The following DNAH9 variants were observed in gnomAD, a reference collection of about 807,000 sequenced individuals.
The protein encoded by DNAH9 is dynein axonemal heavy chain 9, also known as DNAH9 variant protein.
DNAH9 carries 345 observed loss-of-function variants against 471.6 expected under a neutral mutation model. The observed-to-expected ratio is 0.73, with a 90% CI of 0.67 to 0.80. The LOEUF is 0.80. Ranked by LOEUF, DNAH9 falls within the 30% of genes least tolerant of loss-of-function variation. The pLI, the probability that DNAH9 is intolerant of heterozygous loss-of-function variation, is 0.00. For missense variants in DNAH9, 5,407 were observed against 5,609.2 expected (o/e 0.96, Z 1.15); for synonymous variants, 2,093 against 2,123.6 (o/e 0.99, Z 0.40).
At position 11,822,481 on chromosome 17, in the gene DNAH9, G is replaced by A. The variant is rs375908701; in HGVS notation, c.8894G>A (p.Arg2965His). 90 of 1,614,042 alleles carry A rather than the reference G, an allele frequency of 5.6e-5. No individual in the cohort carries two copies. Among genetic ancestry groups the A allele is most frequent in the Admixed American group, 1.7e-4 (10 of 60,002 alleles). Reference protein sequence around the residue: ...FSPVGNKLRVRSRKFPAIVNC... With the variant: ...FSPVGNKLRVHSRKFPAIVNC... ...CCTGTGGGAAACAAGCTAAGAGTCCGCAGCAGGAAGTTCCCAGCCATTGTG... is the reference window on the plus strand; with the variant it reads ...CCTGTGGGAAACAAGCTAAGAGTCCACAGCAGGAAGTTCCCAGCCATTGTG... The change falls in exon 47 of 69, where the codon CGC becomes CAC. Residue 2965 changes from arginine to histidine, a missense_variant. Physicochemically the swap from Arg to His is conservative, Grantham distance 29. Transcript: ENST00000262442.
Position 11,869,194 on chromosome 17 carries a change from C to G in DNAH9, c.9994C>G (p.Leu3332Val), listed in dbSNP as rs144987356. The G allele has an allele frequency of 1.4e-5, 22 of 1,613,716 alleles. No homozygotes were observed. In the African/African-American group the frequency reaches 2.5e-4, roughly 19 times the overall value. Reference sequence around the variant, plus strand: ...GTTTGAGAAAGCAACAGCAGACAAACTCAAATGTCAGCAAGAAGCCGAAGT... The same window carrying G: ...GTTTGAGAAAGCAACAGCAGACAAAGTCAAATGTCAGCAAGAAGCCGAAGT... ...ARFEKATADK[L>V]KCQQEAEVTA... is the part of the protein sequence containing the mutation. The change falls in exon 51 of 69, where the codon CTC becomes GTC. Residue 3332 changes from leucine to valine, a missense_variant. By Grantham distance (32) the Leu-to-Val change is conservative. Transcript: ENST00000262442.
intron 1 of DNAH9, among the ~76,000 whole-genome samples, chr17:11,607,428 G>A (rs560168047): frequency 6.6e-6 from 1 of 152,196 alleles, no homozygotes; most frequent in Non-Finnish European, 1.5e-5. Context: ...GTATCAAGAA[G>A]GTGTAGTGGT....
At chr17:11,903,524 A>AT (rs1204135887) in intron 60 of DNAH9, among the ~76,000 whole-genome samples, 1 of 152,198 alleles carries the variant, frequency 6.6e-6, no homozygotes, top group Non-Finnish European at 1.5e-5. Flanking sequence ...TTACACCTCA[A>AT]TAAAGTTATT....
chr17:11,866,001 C>A (rs1484874756), intron 50 of DNAH9, among the ~76,000 whole-genome samples: 1 of 152,208 alleles, frequency 6.6e-6, no homozygotes, highest in Non-Finnish European at 1.5e-5. Flanking sequence ...TCGTCTGAAG[C>A]CTTCTTCTCT....
chr17:11,605,316 T>G (rs576752889), intron 1 of DNAH9, among the ~76,000 whole-genome samples: 4 of 152,216 alleles, frequency 2.6e-5, no homozygotes, highest in Non-Finnish European at 5.9e-5. Flanking sequence ...CAGAACTTAC[T>G]GTTTCTTGAC....
At chr17:11,809,207 A>ATG (rs10624862) in intron 44 of DNAH9, among the ~76,000 whole-genome samples, 100,794 of 150,542 alleles carry the variant, frequency 0.67, 34,116 homozygotes, top group African/African-American at 0.78. Context: ...GCATTTGTGT[A>ATG]TGTGTGTGTG....
intron 42 of DNAH9, 126 bp from the exon 43 acceptor site, chr17:11,797,471 C>T: frequency 1.5e-6 from 1 of 678,728 alleles, no homozygotes; most frequent in African/African-American, 1.8e-5. Context: ...AAGAGAAGGG[C>T]ATGTTGGAAG....
At chr17:11,827,717 A>C (rs1049013770) in intron 48 of DNAH9, among the ~76,000 whole-genome samples, 5 of 147,134 alleles carry the variant, frequency 3.4e-5, no homozygotes, top group Non-Finnish European at 3.0e-5. Flanking sequence ...ATGGAGCTTC[A>C]CTCTCTCACC....
chr17:11,687,599 T>A (rs2074261663), intron 19 of DNAH9, among the ~76,000 whole-genome samples: 1 of 152,120 alleles, frequency 6.6e-6, no homozygotes, highest in African/African-American at 2.4e-5. Flanking sequence ...AACGGCCGAT[T>A]CTCTAGTTAG....
intron 67 of DNAH9, among the ~76,000 whole-genome samples, chr17:11,957,165 A>C (rs12150667): frequency 0.29 from 43,884 of 152,004 alleles, 7,736 homozygotes; most frequent in Non-Finnish European, 0.4. Flanking sequence ...ACTTAAATGA[A>C]GTGAACCAGT....
At chr17:11,724,532 A>G (rs746053159) in intron 27 of DNAH9, among the ~76,000 whole-genome samples, 3 of 152,324 alleles carry the variant, frequency 2.0e-5, no homozygotes, top group Non-Finnish European at 4.4e-5. Flanking sequence ...TGGCTGAACA[A>G]TATTGCTTTG....
chr17:11,650,783 A>G (rs2073490546), intron 12 of DNAH9, among the ~76,000 whole-genome samples: 1 of 152,222 alleles, frequency 6.6e-6, no homozygotes, highest in African/African-American at 2.4e-5. Context: ...TCCAAAGCAC[A>G]GAAGGCAGAG....
chr17:11,967,169 T>C (rs989456032), intron 68 of DNAH9, among the ~76,000 whole-genome samples: 2 of 152,012 alleles, frequency 1.3e-5, no homozygotes, highest in African/African-American at 4.8e-5. Flanking sequence ...TGCAGTGGCA[T>C]GAACAGGGCT....
chr17:11,722,556 A>G (rs1256715917), intron 27 of DNAH9, among the ~76,000 whole-genome samples: 1 of 152,182 alleles, frequency 6.6e-6, no homozygotes, highest in Non-Finnish European at 1.5e-5. Flanking sequence ...TCAGTGGTGA[A>G]GCAAAGGGAG....
chr17:11,792,727 T>C (rs1969107731), intron 41 of DNAH9, among the ~76,000 whole-genome samples: 1 of 152,244 alleles, frequency 6.6e-6, no homozygotes, highest in African/African-American at 2.4e-5. Flanking sequence ...TCAATTGTTA[T>C]CTGAATCAGT....
In DNAH9 at chr17:11,807,761, C is replaced by T. The variant is rs370070428; in HGVS notation, c.8450C>T (p.Pro2817Leu). Residue 2817 changes from proline (P) to leucine (L), a missense_variant, in exon 44 of 69, where the codon CCG becomes CTG. Around this residue, in one of 3 missense-constraint regions of DNAH9, gnomAD observed 4,636 missense variants for 4,900.3 expected, o/e 0.95. Transcript: ENST00000262442. ...CATATCAATCGCATCTTGGAGTCCC[C>T]GCGGGGAAATGCTCTGCTGGTTGGT... Reference protein sequence around the residue: ...VCHINRILESPRGNALLVGVG... With the variant: ...VCHINRILESLRGNALLVGVG... The T allele has an allele frequency of 3.0e-5, 49 of 1,612,384 alleles. 1 individual carries two copies. The Middle Eastern group carries it at 5.0e-4, about 16-fold the overall frequency.
At chr17:11,871,909 A>G in intron 52 of DNAH9, 123 bp downstream of exon 52, 3 of 1,072,216 alleles carry the variant, frequency 2.8e-6, no homozygotes, top group East Asian at 2.5e-5. Flanking sequence ...CCCCCTGAGC[A>G]CCAGGTGTGA....
At chr17:11,710,368 A>G (rs1443061110) in intron 26 of DNAH9, among the ~76,000 whole-genome samples, 9 of 152,238 alleles carry the variant, frequency 5.9e-5, no homozygotes, top group Admixed American at 5.9e-4. Flanking sequence ...AAAATTTTGT[A>G]TTTTTCCTTA....
chr17:11,815,199 G>GTT (rs11429811), intron 45 of DNAH9, among the ~76,000 whole-genome samples: 3,576 of 148,020 alleles, frequency 0.024, 51 homozygotes, highest in Middle Eastern at 0.059. Context: ...GTAATAAACT[G>GTT]TTTTTTTTTT....
Sources: gnomAD v4.1 joint callset for allele counts (sites outside exome capture counted in the v4.1 genomes callset) on GRCh38, gnomAD v4.1.1 for gene constraint, gnomAD v4.1.1 regional missense constraint, MANE v1.5 for transcripts, NCBI Gene and HGNC (gene_info 2026-07-23, HGNC 2026-07-21) for gene names.